The following CCDC157 variants were observed in gnomAD, a reference collection of about 807,000 sequenced individuals.
CCDC157 encodes the protein coiled-coil domain-containing protein 157.
In CCDC157, 60 loss-of-function variants were observed where a neutral mutation model predicts 70.9. The observed-to-expected ratio is 0.85, with a 90% CI of 0.69 to 1.05. CCDC157 has a LOEUF of 1.05. Ranked by LOEUF, CCDC157 falls within the 50% of genes least tolerant of loss-of-function variation. The pLI is 0.00. For synonymous variants in CCDC157, 373 were observed against 422.4 expected, an observed-to-expected ratio of 0.88 and a Z score of 1.43; for missense variants, 943 against 984.2, an observed-to-expected ratio of 0.96 and a Z score of 0.56.
chr22:30,370,988 G>C (rs922645379), intron 5 of CCDC157, 38 bp downstream of exon 5: 4 of 1,575,130 alleles, frequency 2.5e-6, no homozygotes, highest in Non-Finnish European at 3.4e-6. Flanking sequence ...GTGCCCAGGG[G>C]CTCTGCCACA....
Position 30,369,598 on chromosome 22 carries a change from C to G in CCDC157, c.415C>G (p.Pro139Ala), listed in dbSNP as rs913648881. Reference sequence around the variant, plus strand: ...GGGCACGCTCCACCAGCAGCCACTCCCCCAGGTGGGTCCCAGCCTCTGTCT... The same window carrying G: ...GGGCACGCTCCACCAGCAGCCACTCGCCCAGGTGGGTCCCAGCCTCTGTCT... ...RLGTLHQQPL[P>A]QKGANQRETP... Residue 139 changes from proline (P) to alanine (A), a missense_variant, in exon 4 of 12, where the codon CCC becomes GCC. Coordinates refer to ENST00000338306, the MANE Select transcript of CCDC157 (RefSeq NM_001017437.5). 14 of 1,555,740 alleles carry G rather than the reference C, an allele frequency of 9.0e-6. No homozygotes were observed. The highest frequency in any genetic ancestry group is 1.1e-5 in the Non-Finnish European group (13 of 1,153,876).
intron 9 of CCDC157, 140 bp downstream of exon 9, chr22:30,374,231 C>A: frequency 1.0e-6 from 1 of 983,558 alleles, no homozygotes. Context: ...CAGCGCAGCC[C>A]CTGTGGACCC....
At position 30,365,797 on chromosome 22, in the gene CCDC157, T is replaced by C. The variant is rs1932681491; in HGVS notation, c.-11-193T>C. 9 of 605,816 alleles carry C rather than the reference T, an allele frequency of 1.5e-5. No individual in the cohort carries two copies. In the East Asian group the frequency reaches 2.2e-4, roughly 15 times the overall value. The allele number at this position is 605,816 out of a possible 1,614,324, so 37.5% of individuals were successfully genotyped here. A position where few individuals can be genotyped will look rare whatever the true frequency, so the allele number is the denominator to read the frequency against. ...CAGTATGTGCTTGGGGTAGGGGAAC[T>C]GAGAGGCTGGTAAGGCCACCCAGAA... On this transcript the variant is annotated intron_variant, in intron 2 of 11. Transcript: ENST00000338306.
At chr22:30,369,788 G>A in intron 4 of CCDC157, 185 bp downstream of exon 4, 1 of 511,578 alleles carries the variant, frequency 2.0e-6, no homozygotes, top group Non-Finnish European at 3.3e-6. Context: ...CGCAGGCCTT[G>A]GGGATCATGC....
In CCDC157 at chr22:30,378,473, A is replaced by G. The variant is rs1030589631; in HGVS notation, c.*1728A>G. 1 of 171,690 alleles carries G rather than the reference A, an allele frequency of 5.8e-6. No individual in the cohort carries two copies. Among genetic ancestry groups the G allele is most frequent in the South Asian group, 1.3e-4 (1 of 7,692 alleles). 10.6% of individuals were successfully genotyped at this position (171,690 alleles called of 1,614,324 possible). On this transcript the variant is annotated 3_prime_UTR_variant, in exon 12 of 12. Coordinates refer to ENST00000338306, the MANE Select transcript of CCDC157 (RefSeq NM_001017437.5). The stretch of plus-strand genomic sequence containing the variant: ...GAGAAACCCCGTCTCTACTAAAAAT[A>G]CAAAATTAGCCGGGCGTGGTGGCGC...
chr22:30,376,850 T>C lies in CCDC157; in HGVS notation c.*105T>C. ...AGCAATCTTTGCCTCACAGTATGAC[T>C]GAGCCAAGGAAAGAACCCTTCCTTC... is the stretch of plus-strand genomic sequence containing the variant. On this transcript the variant is annotated 3_prime_UTR_variant, in exon 12 of 12. Transcript: ENST00000338306. 8.5e-7 allele frequency: 1 copy of C among 1,179,654 alleles called. No individual in the cohort carries two copies. Among genetic ancestry groups the C allele is most frequent in the Non-Finnish European group, 1.2e-6 (1 of 840,900 alleles). 73.1% of individuals were successfully genotyped at this position (1,179,654 alleles called of 1,614,324 possible). A position where few individuals can be genotyped will look rare whatever the true frequency, so the allele number is the denominator to read the frequency against.
intron 9 of CCDC157, chr22:30,374,430 G>C (rs1279675564): frequency 2.0e-6 from 1 of 500,152 alleles, no homozygotes; most frequent in Non-Finnish European, 3.9e-6. Flanking sequence ...CCCCCTTCTT[G>C]GTTCTTGGAA....
intron 5 of CCDC157, chr22:30,371,310 T>G (rs186777423): frequency 2.2e-4 from 107 of 491,210 alleles, no homozygotes; most frequent in African/African-American, 1.9e-3. Flanking sequence ...TCTCTGGTTG[T>G]GGCAAAAGCC....
At chr22:30,369,674 C>T (rs1932850679) in intron 4 of CCDC157, 71 bp downstream of exon 4, 5 of 1,233,674 alleles carry the variant, frequency 4.1e-6, no homozygotes, top group Non-Finnish European at 5.3e-6. Context: ...GCCTTCACAC[C>T]TCGCCCCAGC....
intron 2 of CCDC157, among the ~76,000 whole-genome samples, chr22:30,365,430 C>T (rs1354648274): frequency 6.6e-6 from 1 of 151,990 alleles, no homozygotes; most frequent in Non-Finnish European, 1.5e-5. Flanking sequence ...TTCCACAGGC[C>T]ACAGGGAGTA....
chr22:30,359,255 C>T (rs1932163075), intron 1 of CCDC157, among the ~76,000 whole-genome samples: 1 of 152,250 alleles, frequency 6.6e-6, no homozygotes, highest in African/African-American at 2.4e-5. Context: ...GTTTCTGCCT[C>T]CCTCCTTGGA....
chr22:30,377,745 C>A lies in CCDC157; in HGVS notation c.*1000C>A. ...GAGGCTGGGGTGCCCCGGGCACCCC[C>A]CTCACAGGGGAGCACCATCCCTCAG... On this transcript the variant is annotated 3_prime_UTR_variant, in exon 12 of 12. Transcript: ENST00000338306. 5.0e-6 allele frequency: 1 copy of A among 201,112 alleles called. No homozygotes were observed. Among genetic ancestry groups the A allele is most frequent in the Non-Finnish European group, 1.1e-5 (1 of 94,872 alleles). 12.5% of individuals were successfully genotyped at this position (201,112 alleles called of 1,614,324 possible). A position where few individuals can be genotyped will look rare whatever the true frequency, so the allele number is the denominator to read the frequency against.
At chr22:30,367,580 G>A (rs1932777782) in intron 3 of CCDC157, among the ~76,000 whole-genome samples, 1 of 151,966 alleles carries the variant, frequency 6.6e-6, no homozygotes, top group Non-Finnish European at 1.5e-5. Context: ...GGCCGTGGTG[G>A]GAGGATTGTT....
At chr22:30,363,717 C>T (rs1299561409) in intron 2 of CCDC157, among the ~76,000 whole-genome samples, 1 of 129,786 alleles carries the variant, frequency 7.7e-6, no homozygotes, top group Non-Finnish European at 1.6e-5. Flanking sequence ...AAGACAGAGT[C>T]TCACTCTGTC....
chr22:30,360,421 C>T (rs906220547), intron 1 of CCDC157, among the ~76,000 whole-genome samples: 5 of 151,568 alleles, frequency 3.3e-5, no homozygotes, highest in Non-Finnish European at 7.4e-5. Flanking sequence ...AGGAGAATGG[C>T]GTGAACCCAG....
At chr22:30,367,289 G>T (rs1405953285) in intron 3 of CCDC157, among the ~76,000 whole-genome samples, 3 of 151,232 alleles carry the variant, frequency 2.0e-5, no homozygotes, top group African/African-American at 7.3e-5. Flanking sequence ...TTCTTGGAGT[G>T]CAGTGGTGTG....
At chr22:30,363,003 G>A (rs1432024335) in intron 2 of CCDC157, among the ~76,000 whole-genome samples, 1 of 152,176 alleles carries the variant, frequency 6.6e-6, no homozygotes, top group East Asian at 1.9e-4. Context: ...CTGGTGCAAG[G>A]AGGTACTTCC....
In CCDC157 at chr22:30,376,480, T is replaced by G. The variant is rs1195243541; in HGVS notation, c.1994T>G (p.Leu665Arg). 2 of 1,612,306 alleles carry G rather than the reference T, an allele frequency of 1.2e-6. No individual in the cohort carries two copies. Among genetic ancestry groups the G allele is most frequent in the South Asian group, 2.2e-5 (2 of 91,010 alleles). Residue 665 changes from leucine (L) to arginine (R), a missense_variant, in exon 12 of 12, where the codon CTG becomes CGG. Leu to Arg is a moderately radical substitution (Grantham distance 102, BLOSUM62 -2). Coordinates refer to ENST00000338306, the MANE Select transcript of CCDC157 (RefSeq NM_001017437.5). ...HLPSSRTGRT[L>R]LGQPCTSPPR... The stretch of plus-strand genomic sequence containing the variant: ...CCTAGCAGCAGGACGGGTAGGACCC[T>G]GCTGGGCCAGCCCTGCACATCCCCA...
chr22:30,374,772 C>G (rs1286523534), intron 9 of CCDC157: 1 of 455,176 alleles, frequency 2.2e-6, no homozygotes, highest in Non-Finnish European at 4.4e-6. Flanking sequence ...TTCTCCCGGG[C>G]TCCTGGAGCC....
Sources: gnomAD v4.1 joint callset for allele counts (sites outside exome capture counted in the v4.1 genomes callset) on GRCh38, gnomAD v4.1.1 for gene constraint, MANE v1.5 for transcripts, NCBI Gene and HGNC (gene_info 2026-07-23, HGNC 2026-07-21) for gene names.